BRAF: variants seen among roughly 807,000 people sequenced by gnomAD.
BRAF encodes the protein B-Raf proto-oncogene, serine/threonine kinase.
A neutral mutation model predicts 104.6 loss-of-function variants in BRAF; 16 were observed. The ratio of observed to expected loss-of-function variants is 0.15; its 90% confidence interval spans 0.10 to 0.23. The LOEUF (loss-of-function observed/expected upper bound fraction) is 0.23, where lower values mean the gene tolerates loss of function less well. Among genes scored for constraint, BRAF ranks in the 10% least tolerant of loss-of-function variants. BRAF has a pLI of 1.00. For synonymous variants in BRAF, 310 were observed against 341.6 expected (o/e 0.91, Z 1.02); for missense variants, 541 against 937.3 (o/e 0.58, Z 5.52).
At position 140,723,995 on chromosome 7, in the gene BRAF, GT is replaced by G; in HGVS notation, c.*2498del. 9.6e-7 allele frequency: 1 copy of G among 1,041,724 alleles called. No individual in the cohort carries two copies. The allele number at this position is 1,041,724 out of a possible 1,614,324, so 64.5% of individuals were successfully genotyped here. A position where few individuals can be genotyped will look rare whatever the true frequency, so the allele number is the denominator to read the frequency against. On this transcript the variant is annotated 3_prime_UTR_variant, in exon 20 of 20. Coordinates refer to ENST00000644969, the MANE Select transcript of BRAF (RefSeq NM_001374258.1). ...TCATAGAAAAAGGAAGAAAAGAGAG[GT>G]TTAAATATTTTATTTTTTAAGGTAT... is the stretch of plus-strand genomic sequence containing the variant.
intron 1 of BRAF, among the ~76,000 whole-genome samples, chr7:140,871,793 T>C (rs1352219184): frequency 6.6e-6 from 1 of 152,204 alleles, no homozygotes; most frequent in Admixed American, 6.5e-5. Flanking sequence ...TAAAATTTAG[T>C]TTCTCACTCT....
intron 1 of BRAF, among the ~76,000 whole-genome samples, chr7:140,867,434 T>C (rs991970674): frequency 6.6e-6 from 1 of 152,086 alleles, no homozygotes; most frequent in Non-Finnish European, 1.5e-5. Context: ...AAATATTTAA[T>C]GAGTGCCAGG....
chr7:140,887,230 G>C (rs1200278256), intron 1 of BRAF, among the ~76,000 whole-genome samples: 4 of 152,204 alleles, frequency 2.6e-5, no homozygotes, highest in African/African-American at 7.2e-5. Flanking sequence ...TCCAACACTG[G>C]TGTGGCACAA....
intron 19 of BRAF, chr7:140,731,496 C>T (rs2130853293): frequency 6.6e-6 from 1 of 152,192 alleles, no homozygotes; most frequent in Non-Finnish European, 1.5e-5. Context: ...TCATGAAGTA[C>T]CATTTCATAA....
intron 1 of BRAF, among the ~76,000 whole-genome samples, chr7:140,923,709 A>T (rs907148069): frequency 2.6e-5 from 4 of 152,198 alleles, no homozygotes; most frequent in Admixed American, 2.0e-4. Context: ...CAAAGTGTCC[A>T]GGAGGATTTG....
the BRAF span, among the ~76,000 whole-genome samples, chr7:140,713,595 C>T: frequency 6.6e-6 from 1 of 152,098 alleles, no homozygotes; most frequent in Admixed American, 6.5e-5. Context: ...TTGTCTGAAG[C>T]CTTCTCTCAA....
At chr7:140,751,568 T>C (rs192773463) in intron 16 of BRAF, among the ~76,000 whole-genome samples, 9 of 152,214 alleles carry the variant, frequency 5.9e-5, no homozygotes, top group Admixed American at 5.2e-4. Context: ...AAAAGGGGCA[T>C]TGGAAATCTA....
chr7:140,826,446 C>T (rs1399137030), intron 3 of BRAF, among the ~76,000 whole-genome samples: 6 of 152,236 alleles, frequency 3.9e-5, no homozygotes, highest in Admixed American at 6.5e-5. Flanking sequence ...ATTATCTTTT[C>T]GTATTTGCTT....
intron 1 of BRAF, among the ~76,000 whole-genome samples, chr7:140,921,516 C>A (rs1025550940): frequency 4.6e-5 from 7 of 151,864 alleles, no homozygotes; most frequent in Non-Finnish European, 1.0e-4. Flanking sequence ...CAACCTAACA[C>A]CCCAAAAAAA....
At chr7:140,774,476 T>C (rs907310542) in intron 14 of BRAF, among the ~76,000 whole-genome samples, 3 of 152,180 alleles carry the variant, frequency 2.0e-5, no homozygotes, top group African/African-American at 7.2e-5. Context: ...TCCACCCACC[T>C]CGGCCTCCTA....
chr7:140,887,242 A>T (rs1032593636), intron 1 of BRAF, among the ~76,000 whole-genome samples: 1 of 152,240 alleles, frequency 6.6e-6, no homozygotes, highest in Non-Finnish European at 1.5e-5. Context: ...GTGGCACAAA[A>T]GAAGCCCCTA....
chr7:140,831,935 C>T (rs1806805353), intron 3 of BRAF, among the ~76,000 whole-genome samples: 1 of 152,174 alleles, frequency 6.6e-6, no homozygotes, highest in Non-Finnish European at 1.5e-5. Flanking sequence ...ATGCTATCTG[C>T]TTCATCAGGA....
chr7:140,822,663 C>T (rs1275905689), intron 3 of BRAF, among the ~76,000 whole-genome samples: 1 of 152,196 alleles, frequency 6.6e-6, no homozygotes, highest in African/African-American at 2.4e-5. Flanking sequence ...CACCACAATC[C>T]AACCATTCAC....
rs139349694 is a variant in BRAF at position 140,884,926 on chromosome 7, T to C, written c.139-34714A>G. Among the ~76,000 whole-genome samples the C allele has an allele frequency of 5.3e-3, 802 of 152,262 alleles. 2 individuals carry two copies. Among genetic ancestry groups the C allele is most frequent in the Non-Finnish European group, 9.0e-3 (615 of 68,014 alleles). ...TTTTTTAATGAAAAAAATAACCACA[T>C]TTTCCAAAACAACAAAAAACAATGA... On this transcript the variant is annotated intron_variant, in intron 1 of 19. Coordinates refer to ENST00000644969, the MANE Select transcript of BRAF (RefSeq NM_001374258.1).
At position 140,800,366 on chromosome 7, in the gene BRAF, T is replaced by C. The variant is rs775040765; in HGVS notation, c.976A>G (p.Ile326Val). The C allele has an allele frequency of 9.2e-5, 148 of 1,613,860 alleles. No homozygotes were observed. The East Asian group carries it at 3.1e-3, about 33-fold the overall frequency. Residue 326 changes from isoleucine (I) to valine (V), a missense_variant, in exon 7 of 20, where the codon ATT becomes GTT. By Grantham distance (29) the Ile-to-Val change is conservative. Around this residue, in one of 10 missense-constraint regions of BRAF, gnomAD observed 79 missense variants for 74.6 expected, o/e 1.06. Coordinates refer to ENST00000644969, the MANE Select transcript of BRAF (RefSeq NM_001374258.1). ...AGAGCAGAAGTCAAACCATACCCAA[T>C]AGAGTCCGAGGCGGGTGCGGAAGGG... ...SSPSAPASDS[I>V]GPQILTSPSP...
chr7:140,921,388 T>C (rs1818205097), intron 1 of BRAF, among the ~76,000 whole-genome samples: 1 of 152,158 alleles, frequency 6.6e-6, no homozygotes. Flanking sequence ...TTTGAGCACC[T>C]ACAAAGTATT....
chr7:140,795,023 A>G (rs1171634800), intron 7 of BRAF, among the ~76,000 whole-genome samples: 1 of 152,190 alleles, frequency 6.6e-6, no homozygotes, highest in Non-Finnish European at 1.5e-5. Context: ...CAGAGTGCCA[A>G]TATCTCTCAT....
rs201596326 is a variant in BRAF, at chr7:140,824,973, CTTT to C, written c.504+9633_504+9635del. Among the ~76,000 whole-genome samples the C allele has an allele frequency of 1.1e-4, 16 of 139,884 alleles. No homozygotes were observed. In the East Asian group the frequency reaches 1.9e-3, roughly 16 times the overall value. 91.8% of individuals were successfully genotyped at this position (139,884 alleles called of 152,430 possible). A position where few individuals can be genotyped will look rare whatever the true frequency, so the allele number is the denominator to read the frequency against. On this transcript the variant is annotated intron_variant, in intron 3 of 19. Transcript: ENST00000644969. ...TCCGTTTTTAATTGGGTTGTTTTTTCTTTTTTTTTTTTTTTGAGATGGAGTCTC... is the reference window on the plus strand; with the variant it reads ...TCCGTTTTTAATTGGGTTGTTTTTTCTTTTTTTTTTTTGAGATGGAGTCTC...
chr7:140,908,426 T>G (rs1816578735), intron 1 of BRAF, among the ~76,000 whole-genome samples: 2 of 152,120 alleles, frequency 1.3e-5, no homozygotes, highest in South Asian at 4.1e-4. Flanking sequence ...AGCAATTCCC[T>G]AGAATGAAAG....
Sources: gnomAD v4.1 joint callset for allele counts (sites outside exome capture counted in the v4.1 genomes callset) on GRCh38, gnomAD v4.1.1 for gene constraint, gnomAD v4.1.1 regional missense constraint, MANE v1.5 for transcripts, NCBI Gene and HGNC (gene_info 2026-07-23, HGNC 2026-07-21) for gene names.